The following GALNT2 variants were observed in gnomAD, a reference collection of about 807,000 sequenced individuals.
GALNT2 encodes UDP-GalNAc:polypeptide N-acetylgalactosaminyltransferase 2.
Under a neutral mutation model 81.4 loss-of-function variants are expected in GALNT2, and 31 were observed. That is an observed-to-expected ratio of 0.38 (90% CI 0.29 to 0.51). The LOEUF (loss-of-function observed/expected upper bound fraction) is 0.51, where lower values mean the gene tolerates loss of function less well. GALNT2 is among the 20% of genes least tolerant of loss of function. The pLI, the probability that GALNT2 is intolerant of heterozygous loss-of-function variation, is 0.87. For missense variants in GALNT2, 629 were observed against 765.7 expected, an observed-to-expected ratio of 0.82 and a Z score of 2.11; for synonymous variants, 303 against 287.4, an observed-to-expected ratio of 1.05 and a Z score of -0.55.
At chr1:230,256,587 G>A (rs960918636) in intron 11 of GALNT2, among the ~76,000 whole-genome samples, 12 of 152,272 alleles carry the variant, frequency 7.9e-5, no homozygotes, top group Non-Finnish European at 1.5e-4. Flanking sequence ...ACAAGACATC[G>A]TGACACAGAG....
intron 6 of GALNT2, among the ~76,000 whole-genome samples, chr1:230,241,408 T>C (rs373903749): frequency 4.3e-4 from 66 of 152,186 alleles, no homozygotes; most frequent in African/African-American, 1.5e-3. Flanking sequence ...AGGCTCTTTT[T>C]GTACTTTGCT....
At chr1:230,178,492 A>C (rs76750247) in intron 2 of GALNT2, among the ~76,000 whole-genome samples, 181 bp downstream of exon 2, 87 of 152,328 alleles carry the variant, frequency 5.7e-4, no homozygotes, top group African/African-American at 2.0e-3. Context: ...GGTCAAGTTA[A>C]AACTTTTATA....
At chr1:230,159,749 A>G (rs1255957842) in intron 1 of GALNT2, among the ~76,000 whole-genome samples, 1 of 152,200 alleles carries the variant, frequency 6.6e-6, no homozygotes, top group Non-Finnish European at 1.5e-5. Flanking sequence ...TTGAGGGAGA[A>G]GATACCTTGT....
At chr1:230,240,322 A>G (rs1296236657) in intron 6 of GALNT2, among the ~76,000 whole-genome samples, 1 of 152,220 alleles carries the variant, frequency 6.6e-6, no homozygotes, top group East Asian at 1.9e-4. Flanking sequence ...GGCAGGGCAC[A>G]GTGGCTCACG....
At chr1:230,273,779 G>A (rs1273831038) in intron 14 of GALNT2, among the ~76,000 whole-genome samples, 2 of 152,172 alleles carry the variant, frequency 1.3e-5, no homozygotes, top group African/African-American at 2.4e-5. Flanking sequence ...TAGCCCTCAT[G>A]GAGCTGTTGT....
At chr1:230,233,329 T>G (rs775275336) in intron 3 of GALNT2, among the ~76,000 whole-genome samples, 1 of 152,216 alleles carries the variant, frequency 6.6e-6, no homozygotes, top group Non-Finnish European at 1.5e-5. Context: ...TGGGCTTATA[T>G]TAGGGCCAGG....
At chr1:230,157,416 G>A (rs554652479) in intron 1 of GALNT2, among the ~76,000 whole-genome samples, 128 of 152,284 alleles carry the variant, frequency 8.4e-4, no homozygotes, top group African/African-American at 3.0e-3. Context: ...AACCACTTTG[G>A]AAAATAGTTG....
intron 1 of GALNT2, among the ~76,000 whole-genome samples, chr1:230,089,088 G>T (rs1039209093): frequency 6.6e-6 from 1 of 151,492 alleles, no homozygotes; most frequent in Non-Finnish European, 1.5e-5. Context: ...TTTCCCCCCC[G>T]ACAGTTTTTA....
At chr1:230,265,089 C>T in intron 13 of GALNT2, 152 bp from the exon 14 acceptor site, 1 of 884,336 alleles carries the variant, frequency 1.1e-6, no homozygotes, top group Non-Finnish European at 1.8e-6. Context: ...CCCTGACACA[C>T]ACTACCTGTG....
chr1:230,156,799 C>T (rs912475525), intron 1 of GALNT2, among the ~76,000 whole-genome samples: 2 of 152,174 alleles, frequency 1.3e-5, no homozygotes, highest in African/African-American at 2.4e-5. Context: ...TGATTCATTT[C>T]AGTCAGTCCC....
rs1336021172 is a variant in GALNT2, at chr1:230,058,078, A to C, written n.89A>C. The C allele has an allele frequency of 6.6e-6, 3 of 456,282 alleles. No individual in the cohort carries two copies. The East Asian group carries it at 2.1e-4, about 32-fold the overall frequency. The allele number at this position is 456,282 out of a possible 1,614,324, so 28.3% of individuals were successfully genotyped here. A position where few individuals can be genotyped will look rare whatever the true frequency, so the allele number is the denominator to read the frequency against. On this transcript the variant is annotated splice_region_variant and non_coding_transcript_exon_variant, in exon 1 of 7. Transcript: ENST00000494106. Reference sequence around the variant, plus strand: ...TGCCCGTAGCCCCTATGGCTGACAGAGTAAGTAGAACTTCTCACTAAAGTA... The same window carrying C: ...TGCCCGTAGCCCCTATGGCTGACAGCGTAAGTAGAACTTCTCACTAAAGTA...
chr1:230,226,413 C>T (rs1042431094), intron 3 of GALNT2, among the ~76,000 whole-genome samples: 6 of 152,198 alleles, frequency 3.9e-5, no homozygotes, highest in Non-Finnish European at 5.9e-5. Context: ...GAGAAATGGG[C>T]TAGCAAGCAA....
At chr1:230,094,163 ATTTTTTTTTTTTTT>A (rs58639878) in intron 1 of GALNT2, among the ~76,000 whole-genome samples, 18 of 119,362 alleles carry the variant, frequency 1.5e-4, no homozygotes, top group South Asian at 2.6e-4. Context: ...ATGCTGGCTA[ATTTTTTTTTTTTTT>A]TTTTTTTTTT....
At chr1:230,067,612 C>A (rs770747470) in intron 1 of GALNT2, among the ~76,000 whole-genome samples, 6 of 152,168 alleles carry the variant, frequency 3.9e-5, no homozygotes, top group Non-Finnish European at 7.4e-5. Context: ...GAAAGGGCGG[C>A]CCCCGCAGCC....
At chr1:230,114,318 T>C (rs1015711242) in intron 1 of GALNT2, among the ~76,000 whole-genome samples, 7 of 152,198 alleles carry the variant, frequency 4.6e-5, no homozygotes, top group African/African-American at 1.7e-4. Flanking sequence ...TGAAGGAATC[T>C]TCCTAAGTCA....
intron 3 of GALNT2, among the ~76,000 whole-genome samples, chr1:230,210,496 G>A (rs939432124): frequency 6.6e-6 from 1 of 152,166 alleles, no homozygotes; most frequent in African/African-American, 2.4e-5. Context: ...ACATTTTTGT[G>A]TCTCACGCTG....
At chr1:230,135,724 A>G (rs1037603885) in intron 1 of GALNT2, among the ~76,000 whole-genome samples, 1 of 152,014 alleles carries the variant, frequency 6.6e-6, no homozygotes, top group Non-Finnish European at 1.5e-5. Context: ...CTTGAGACAC[A>G]GTCTCCCTGT....
intron 1 of GALNT2, among the ~76,000 whole-genome samples, chr1:230,109,312 G>T (rs1488880730): frequency 2.0e-5 from 3 of 152,174 alleles, no homozygotes; most frequent in African/African-American, 4.8e-5. Context: ...TGGGGGCCCT[G>T]CAGGCTCCCT....
At position 230,275,321 on chromosome 1, in the gene GALNT2, AT is replaced by A. The variant is rs1471004300; in HGVS notation, c.1560+758del. ...TTATACATATATAAACGCCACATATATATACACACCACATATGTATACATAT... is the reference window on the plus strand; with the variant it reads ...TTATACATATATAAACGCCACATATAATACACACCACATATGTATACATAT... On this transcript the variant is annotated intron_variant, in intron 15 of 15. Coordinates refer to ENST00000366672, the MANE Select transcript of GALNT2 (RefSeq NM_004481.5). This position sits in a 1 kb window ranked among gnomAD's most constrained non-coding sequence, Gnocchi z 5.5. Among the ~76,000 whole-genome samples, 2 of 151,666 alleles carry A rather than the reference AT, an allele frequency of 1.3e-5. No homozygotes were observed. Among genetic ancestry groups the A allele is most frequent in the Non-Finnish European group, 1.5e-5 (1 of 67,826 alleles).
Sources: allele counts gnomAD v4.1 joint callset (sites outside exome capture counted in the v4.1 genomes callset), GRCh38; gene constraint gnomAD v4.1.1; non-coding constraint Gnocchi (gnomAD v3.1); transcripts MANE v1.5; gene names NCBI Gene and HGNC (gene_info 2026-07-23, HGNC 2026-07-21).